Variants in FBXL17 observed in about 807,000 individuals in gnomAD.
FBXL17 encodes the protein F-box and leucine rich repeat protein 17.
Under a neutral mutation model 66.2 loss-of-function variants are expected in FBXL17, and 22 were observed. The observed-to-expected ratio is 0.33, with a 90% confidence interval of 0.24 to 0.47. The LOEUF (loss-of-function observed/expected upper bound fraction) is 0.47, where lower values mean the gene tolerates loss of function less well. Ranked by LOEUF, FBXL17 falls within the 20% of genes least tolerant of loss-of-function variation. The pLI, the probability that FBXL17 is intolerant of heterozygous loss-of-function variation, is 1.00. For synonymous variants in FBXL17, 474 were observed against 400.5 expected (o/e 1.18, Z -2.19); for missense variants, 878 against 948.2 (o/e 0.93, Z 0.97).
chr5:108,010,102 T>TGA lies in FBXL17; in HGVS notation c.1822+10821_1822+10822dup, dbSNP rs1471797780. 3.9e-5 allele frequency among the ~76,000 whole-genome samples: 6 copies of TGA among 152,328 alleles called. No individual in the cohort carries two copies. The East Asian group carries it at 1.2e-3, about 29-fold the overall frequency. Reference sequence around the variant, plus strand: ...GTGTTAAGTGACAAAATTAATCTACTGAGAGTCCAACAAGCACTTCAAATG... The same window carrying TGA: ...GTGTTAAGTGACAAAATTAATCTACTGAGAGAGTCCAACAAGCACTTCAAATG... On this transcript the variant is annotated intron_variant, in intron 7 of 8. Coordinates refer to ENST00000542267, the MANE Select transcript of FBXL17 (RefSeq NM_001163315.3).
chr5:108,191,407 T>C (rs1753465799), intron 5 of FBXL17, among the ~76,000 whole-genome samples: 1 of 152,214 alleles, frequency 6.6e-6, no homozygotes, highest in South Asian at 2.1e-4. Flanking sequence ...AAATAGCACA[T>C]TCTATGTTAT....
At chr5:108,370,717 C>T (rs930578210) in intron 1 of FBXL17, among the ~76,000 whole-genome samples, 4 of 150,712 alleles carry the variant, frequency 2.7e-5, no homozygotes, top group Non-Finnish European at 4.4e-5. Flanking sequence ...CACTCCAGCC[C>T]GTGCAACAGA....
intron 6 of FBXL17, among the ~76,000 whole-genome samples, chr5:108,146,584 G>A (rs768403574): frequency 6.6e-6 from 1 of 152,246 alleles, no homozygotes; most frequent in South Asian, 2.1e-4. Context: ...CCAGTCTTTT[G>A]AGTTATAACA....
chr5:108,058,422 C>CT, intron 6 of FBXL17, among the ~76,000 whole-genome samples: 1 of 29,052 alleles, frequency 3.4e-5, no homozygotes, highest in South Asian at 7.0e-4. Context: ...CTCTTTCTTT[C>CT]TTCTTTCTTT....
At chr5:108,249,342 T>C (rs1421490028) in intron 4 of FBXL17, among the ~76,000 whole-genome samples, 2 of 152,130 alleles carry the variant, frequency 1.3e-5, no homozygotes, top group Non-Finnish European at 2.9e-5. Context: ...CTGACTGATA[T>C]AAGAGCTCCG....
chr5:107,946,048 C>G (rs1042008640), intron 7 of FBXL17, among the ~76,000 whole-genome samples: 1 of 151,150 alleles, frequency 6.6e-6, no homozygotes, highest in African/African-American at 2.4e-5. Flanking sequence ...TAGAATTTAC[C>G]TTAAAGTCTG....
chr5:107,868,651 G>A (rs1323196003), intron 8 of FBXL17, among the ~76,000 whole-genome samples: 1 of 152,208 alleles, frequency 6.6e-6, no homozygotes, highest in Admixed American at 6.5e-5. Context: ...ACCTAGCAGG[G>A]GAGGAACAAT....
At chr5:107,924,905 T>C (rs1750474159) in intron 7 of FBXL17, among the ~76,000 whole-genome samples, 1 of 152,232 alleles carries the variant, frequency 6.6e-6, no homozygotes, top group African/African-American at 2.4e-5. Context: ...CTGAAATCTT[T>C]GCATTTTCTC....
At position 108,211,234 on chromosome 5, in the gene FBXL17, G is replaced by A. The variant is rs62359509; in HGVS notation, c.1614+12887C>T. Among the ~76,000 whole-genome samples, 293 of 152,232 alleles carry A rather than the reference G, an allele frequency of 1.9e-3. 1 individual carries two copies. The highest frequency in any genetic ancestry group is 3.5e-3 in the Non-Finnish European group (241 of 68,018). On this transcript the variant is annotated intron_variant, in intron 5 of 8. Transcript: ENST00000542267. ...CTATGTGTGTCTTTGCACGTGAGAT[G>A]GGTCTCCTGAATACAGCACACTGAT... is the stretch of plus-strand genomic sequence containing the variant.
At chr5:108,339,074 AAGCC>A (rs1746706748) in intron 4 of FBXL17, among the ~76,000 whole-genome samples, 1 of 152,332 alleles carries the variant, frequency 6.6e-6, no homozygotes, top group African/African-American at 2.4e-5. Context: ...TATTACCCAG[AAGCC>A]AGATTCAACT....
intron 6 of FBXL17, among the ~76,000 whole-genome samples, chr5:108,038,983 G>T (rs12651724): frequency 0.14 from 20,881 of 151,966 alleles, 1,554 homozygotes; most frequent in East Asian, 0.17. Flanking sequence ...CTAAGTAGAA[G>T]ACTAGTGAAT....
At chr5:108,093,861 A>T (rs776867071) in intron 6 of FBXL17, among the ~76,000 whole-genome samples, 1 of 152,176 alleles carries the variant, frequency 6.6e-6, no homozygotes, top group Non-Finnish European at 1.5e-5. Context: ...ACAAAGAAAC[A>T]GTGTGATTTT....
chr5:108,145,644 A>G (rs1415917450), intron 6 of FBXL17, among the ~76,000 whole-genome samples: 1 of 152,196 alleles, frequency 6.6e-6, no homozygotes, highest in Non-Finnish European at 1.5e-5. Flanking sequence ...CTACAAATAA[A>G]GAAAATGACT....
intron 6 of FBXL17, among the ~76,000 whole-genome samples, chr5:108,104,184 C>A (rs115912618): frequency 2.0e-5 from 3 of 152,006 alleles, no homozygotes; most frequent in Non-Finnish European, 4.4e-5. Flanking sequence ...TACAGTCATG[C>A]GCACCCACGC....
intron 6 of FBXL17, among the ~76,000 whole-genome samples, chr5:108,077,151 C>T (rs548165680): frequency 1.3e-5 from 2 of 152,168 alleles, no homozygotes; most frequent in Non-Finnish European, 2.9e-5. Context: ...GACTTCCTAG[C>T]CTCACTGATA....
At chr5:108,157,227 A>G (rs1752029527) in intron 6 of FBXL17, among the ~76,000 whole-genome samples, 1 of 151,192 alleles carries the variant, frequency 6.6e-6, no homozygotes, top group Non-Finnish European at 1.5e-5. Flanking sequence ...AATGTGATAT[A>G]ATTAGAGAAA....
At chr5:107,919,349 C>A (rs1029738761) in intron 7 of FBXL17, among the ~76,000 whole-genome samples, 3 of 152,136 alleles carry the variant, frequency 2.0e-5, no homozygotes, top group Non-Finnish European at 4.4e-5. Flanking sequence ...TGGGTCCAAG[C>A]CTGGATTACT....
At chr5:107,863,592 GTACTA>G (rs1748193345) in intron 8 of FBXL17, among the ~76,000 whole-genome samples, 1 of 141,516 alleles carries the variant, frequency 7.1e-6, no homozygotes, top group Admixed American at 7.3e-5. Context: ...ACTTATTATT[GTACTA>G]AGTTTATGAT....
intron 4 of FBXL17, among the ~76,000 whole-genome samples, chr5:108,287,140 T>G (rs546394608): frequency 9.5e-4 from 145 of 152,132 alleles, no homozygotes; most frequent in African/African-American, 3.3e-3. Context: ...ATTAAAGACT[T>G]AAATATAAAA....
Sources: gnomAD v4.1 joint callset for allele counts (sites outside exome capture counted in the v4.1 genomes callset) on GRCh38, gnomAD v4.1.1 for gene constraint, MANE v1.5 for transcripts, NCBI Gene and HGNC (gene_info 2026-07-23, HGNC 2026-07-21) for gene names.